The following RIPK4 variants were observed in gnomAD, a reference collection of about 807,000 sequenced individuals.
RIPK4 encodes the protein receptor interacting serine/threonine kinase 4.
RIPK4 carries 17 observed loss-of-function variants against 42.9 expected under a neutral mutation model. The ratio of observed to expected loss-of-function variants is 0.40; its 90% CI spans 0.27 to 0.59. The LOEUF (loss-of-function observed/expected upper bound fraction) is 0.59. Among genes scored for constraint, RIPK4 ranks in the 20% least tolerant of loss-of-function variants. The pLI is 0.47. For synonymous variants in RIPK4, 498 were observed against 499.1 expected, an observed-to-expected ratio of 1.00 and a Z score of 0.03; for missense variants, 897 against 1,104.4, an observed-to-expected ratio of 0.81 and a Z score of 2.66.
chr21:41,746,190 G>T, intron 5 of RIPK4: 1 of 628,200 alleles, frequency 1.6e-6, no homozygotes, highest in South Asian at 1.5e-5. Flanking sequence ...AGCTTTAAAT[G>T]CAGCAGTTTC....
At position 41,743,922 on chromosome 21, in the gene RIPK4, T is replaced by G. The variant is rs371208443; in HGVS notation, c.1155A>C (p.Gly385=). The G allele has an allele frequency of 9.9e-6, 16 of 1,611,690 alleles. No homozygotes were observed. In the South Asian group the frequency reaches 1.2e-4, roughly 12 times the overall value. Residue 385 remains glycine (G), a synonymous_variant, in exon 7 of 8, where the codon GGA becomes GGC. Coordinates refer to ENST00000332512, the MANE Select transcript of RIPK4 (RefSeq NM_020639.3). ...SSVDSAFSSR[G]SLSLSFEREP... ...CCCGCTCAAAGGACAGCGACAGTGATCCTCTGGAAGAGAAGGCGGAGTCCA... is the reference window on the plus strand; with the variant it reads ...CCCGCTCAAAGGACAGCGACAGTGAGCCTCTGGAAGAGAAGGCGGAGTCCA...
intron 1 of RIPK4, among the ~76,000 whole-genome samples, chr21:41,765,585 C>G (rs2061233588): frequency 6.6e-6 from 1 of 152,194 alleles, no homozygotes; most frequent in South Asian, 2.1e-4. Context: ...GGCTGCAGCA[C>G]GCACTGCCAC....
chr21:41,746,988 C>A (rs2061174012), intron 4 of RIPK4: 1 of 573,928 alleles, frequency 1.7e-6, no homozygotes, highest in South Asian at 2.3e-5. Flanking sequence ...TTGAAATCGA[C>A]CTCTTTCCCT....
rs557286074 is a variant in RIPK4, at chr21:41,742,690, G to A, written c.1196-693C>T. Among the ~76,000 whole-genome samples the A allele has an allele frequency of 6.6e-6, 1 of 152,254 alleles. No homozygotes were observed. The highest frequency in any genetic ancestry group is 2.1e-4 in the South Asian group (1 of 4,816). ...TGAAACGCGTGGGGACTTGGAAGTC[G>A]GCGGTGGGAAGGTGTTAAGAAAACG... On this transcript the variant is annotated intron_variant, in intron 7 of 7. Transcript: ENST00000332512. This position sits in a 1 kb window ranked among gnomAD's most constrained non-coding sequence, Gnocchi z 5.1.
At chr21:41,760,515 G>A (rs1233859255) in intron 1 of RIPK4, among the ~76,000 whole-genome samples, 2 of 152,218 alleles carry the variant, frequency 1.3e-5, no homozygotes, top group Non-Finnish European at 2.9e-5. Flanking sequence ...TGAGACCTGC[G>A]CAGAGTCCAG....
intron 7 of RIPK4, among the ~76,000 whole-genome samples, chr21:41,743,198 C>G (rs1456877013): frequency 6.6e-6 from 1 of 152,058 alleles, no homozygotes; most frequent in Non-Finnish European, 1.5e-5. Flanking sequence ...AGCTGCAGCC[C>G]CTTCAGGAAC....
chr21:41,752,229 T>A (rs568326830), intron 2 of RIPK4, among the ~76,000 whole-genome samples: 5 of 152,328 alleles, frequency 3.3e-5, no homozygotes, highest in East Asian at 3.9e-4. Context: ...TGGATTTTTT[T>A]AAAAACCCTT....
rs760991668 is a variant in RIPK4 at position 41,741,738 on chromosome 21, A to G, written c.1455T>C (p.Gly485=). The change falls in exon 8 of 8, where the codon GGT becomes GGC. Residue 485 remains glycine (G), a synonymous_variant. Coordinates refer to ENST00000332512, the MANE Select transcript of RIPK4 (RefSeq NM_020639.3). ...TCCGCGCCAGCAGGAGCTCCACGAC[A>G]CCCCGCACCCTCCTCTCCACGGCCA... ...LHMAVERRVR[G]VVELLLARKI... The G allele has an allele frequency of 4.3e-6, 7 of 1,612,044 alleles. No individual in the cohort carries two copies. In the Admixed American group the frequency reaches 1.0e-4, roughly 23 times the overall value.
intron 5 of RIPK4, 68 bp downstream of exon 5, chr21:41,746,545 G>T: frequency 6.4e-7 from 1 of 1,569,868 alleles, no homozygotes; most frequent in Non-Finnish European, 8.6e-7. Context: ...CCCTCACCCT[G>T]TCCTGTCTGT....
rs561307280 is a variant in RIPK4 at position 41,748,579 on chromosome 21, C to T, written c.673+575G>A. On this transcript the variant is annotated intron_variant, in intron 4 of 7. Coordinates refer to ENST00000332512, the MANE Select transcript of RIPK4 (RefSeq NM_020639.3). ...ACTGAGCAGCTCTGGAGGTTGGCTG[C>T]GCAAGCACGCGGGTACATGTAATGC... Among the ~76,000 whole-genome samples the T allele has an allele frequency of 2.1e-3, 319 of 152,308 alleles. 2 individuals carry two copies. The highest frequency in any genetic ancestry group is 3.8e-3 in the Non-Finnish European group (261 of 68,022).
chr21:41,753,606 G>A (rs186639623), intron 2 of RIPK4, among the ~76,000 whole-genome samples: 56 of 152,218 alleles, frequency 3.7e-4, no homozygotes, highest in African/African-American at 1.3e-3. Flanking sequence ...GAGCTACTGT[G>A]GCATCCACTC....
chr21:41,746,574 C>T (rs2146048957), intron 5 of RIPK4, 39 bp downstream of exon 5: 2 of 1,604,900 alleles, frequency 1.2e-6, no homozygotes, highest in Non-Finnish European at 1.7e-6. Flanking sequence ...TCTCCTGTGA[C>T]ACCCACAGAA....
In RIPK4 at chr21:41,748,445, G is replaced by T. The variant is rs536044951; in HGVS notation, c.673+709C>A. On this transcript the variant is annotated intron_variant, in intron 4 of 7. Coordinates refer to ENST00000332512, the MANE Select transcript of RIPK4 (RefSeq NM_020639.3). ...ATTTTTATGATAAGTAAGTCAAGGTGTGACAACTTTGAGGATGGTGTTCGG... is the reference window on the plus strand; with the variant it reads ...ATTTTTATGATAAGTAAGTCAAGGTTTGACAACTTTGAGGATGGTGTTCGG... Among the ~76,000 whole-genome samples, 4 of 152,354 alleles carry T rather than the reference G, an allele frequency of 2.6e-5. No homozygotes were observed. In the East Asian group the frequency reaches 5.8e-4, roughly 22 times the overall value.
chr21:41,760,633 T>G (rs886676585), intron 1 of RIPK4, among the ~76,000 whole-genome samples: 4 of 152,142 alleles, frequency 2.6e-5, no homozygotes, highest in Non-Finnish European at 5.9e-5. Context: ...TGGAAGAATC[T>G]GCAGGATGGG....
At chr21:41,743,818 T>C in intron 7 of RIPK4, 64 bp downstream of exon 7, 1 of 1,506,546 alleles carries the variant, frequency 6.6e-7, no homozygotes, top group Non-Finnish European at 8.9e-7. Context: ...AGCTTCTCAC[T>C]GAGTCCAGTC....
rs555912993 is a variant in RIPK4, at chr21:41,740,678, G to A, written c.*160C>T. 223 of 710,748 alleles carry A rather than the reference G, an allele frequency of 3.1e-4. No individual in the cohort carries two copies. The African/African-American group carries it at 3.5e-3, about 11-fold the overall frequency. 44.0% of individuals were successfully genotyped at this position (710,748 alleles called of 1,614,324 possible). Reference sequence around the variant, plus strand: ...CAGCTTCACCTGGAGGGGACACTCCGGTCAGCAGCAGCCGCCTCCTGATGG... The same window carrying A: ...CAGCTTCACCTGGAGGGGACACTCCAGTCAGCAGCAGCCGCCTCCTGATGG... On this transcript the variant is annotated 3_prime_UTR_variant, in exon 8 of 8. Coordinates refer to ENST00000332512, the MANE Select transcript of RIPK4 (RefSeq NM_020639.3).
Position 41,756,374 on chromosome 21 carries a change from A to G in RIPK4, c.474+151T>C, listed in dbSNP as rs1601682174. On this transcript the variant is annotated intron_variant, in intron 2 of 7. Transcript: ENST00000332512. ...TAGGCTCCTGGAGTCCTCATGCTGCAAAAGGCCTCGGTTTCAAGCTCTTTC... is the reference window on the plus strand; with the variant it reads ...TAGGCTCCTGGAGTCCTCATGCTGCGAAAGGCCTCGGTTTCAAGCTCTTTC... The G allele has an allele frequency of 9.3e-6, 9 of 965,314 alleles. No individual in the cohort carries two copies. In the East Asian group the frequency reaches 2.3e-4, roughly 25 times the overall value. 59.8% of individuals were successfully genotyped at this position (965,314 alleles called of 1,614,324 possible).
chr21:41,741,590 A>T lies in RIPK4; in HGVS notation c.1603T>A (p.Phe535Ile). 1 of 1,612,158 alleles carries T rather than the reference A, an allele frequency of 6.2e-7. No homozygotes were observed. The highest frequency in any genetic ancestry group is 8.5e-7 in the Non-Finnish European group (1 of 1,180,022). ...ACGTGCATGGGCGTCCGGCCCTCAA[A>T]GTCCACCTCGTTGACCGAGGCGTTC... ...EKNASVNEVD[F>I]EGRTPMHVAC... Residue 535 changes from phenylalanine (F) to isoleucine (I), a missense_variant, in exon 8 of 8, where the codon TTT (phenylalanine) becomes ATT (isoleucine). Coordinates refer to ENST00000332512, the MANE Select transcript of RIPK4 (RefSeq NM_020639.3).
rs959813433 is a variant in RIPK4 at position 41,755,119 on chromosome 21, G to C, written c.474+1406C>G. On this transcript the variant is annotated intron_variant, in intron 2 of 7. Coordinates refer to ENST00000332512, the MANE Select transcript of RIPK4 (RefSeq NM_020639.3). This position sits in a 1 kb window ranked among gnomAD's most constrained non-coding sequence, Gnocchi z 4.2. ...CCGTAAATGTTGGCGGGAATGGGGG[G>C]TCCGCATGTGAGGCCCAGCCCTGCC... 1.3e-5 allele frequency among the ~76,000 whole-genome samples: 2 copies of C among 152,038 alleles called. No individual in the cohort carries two copies. The highest frequency in any genetic ancestry group is 1.3e-4 in the Admixed American group (2 of 15,270).
Sources: gnomAD v4.1 joint callset for allele counts (sites outside exome capture counted in the v4.1 genomes callset) on GRCh38, gnomAD v4.1.1 for gene constraint, Gnocchi (gnomAD v3.1) non-coding constraint, MANE v1.5 for transcripts, NCBI Gene and HGNC (gene_info 2026-07-23, HGNC 2026-07-21) for gene names.